FBXL13: variants seen among roughly 807,000 people sequenced by gnomAD.
FBXL13 encodes F-box and leucine rich repeat protein 13, also known as F-box and leucine-rich repeat protein 13.
Under a neutral mutation model 83.6 loss-of-function variants are expected in FBXL13, and 67 were observed. The ratio of observed to expected loss-of-function variants is 0.80; its 90% CI spans 0.66 to 0.98. The LOEUF is 0.98. FBXL13 is among the 50% of genes least tolerant of loss of function. FBXL13 has a pLI of 0.00. For synonymous variants in FBXL13, 272 were observed against 299.5 expected (o/e 0.91, Z 0.95); for missense variants, 822 against 866.5 (o/e 0.95, Z 0.64).
chr7:102,930,486 A>C (rs1366188131), intron 9 of FBXL13, among the ~76,000 whole-genome samples: 2 of 152,166 alleles, frequency 1.3e-5, no homozygotes, highest in Non-Finnish European at 2.9e-5. Context: ...TCCACTTCAC[A>C]ATTCATTGCA....
chr7:102,924,238 CAAAAA>C (rs564121170), intron 10 of FBXL13, among the ~76,000 whole-genome samples: 2 of 54,392 alleles, frequency 3.7e-5, no homozygotes, highest in Non-Finnish European at 3.8e-5. Context: ...AACTCCGTCT[CAAAAA>C]AAAAAAAAAA....
At chr7:103,007,925 G>A (rs1217307419) in intron 6 of FBXL13, among the ~76,000 whole-genome samples, 1 of 152,132 alleles carries the variant, frequency 6.6e-6, no homozygotes, top group Non-Finnish European at 1.5e-5. Context: ...GGTGAGGAGA[G>A]TGTCTCCCAC....
At chr7:102,863,383 A>G (rs1807136402) in intron 16 of FBXL13, among the ~76,000 whole-genome samples, 1 of 152,216 alleles carries the variant, frequency 6.6e-6, no homozygotes, top group South Asian at 2.1e-4. Context: ...TACTGGGGGT[A>G]TAGATCATGG....
chr7:102,941,275 C>A (rs979520099), intron 8 of FBXL13, among the ~76,000 whole-genome samples: 2 of 152,256 alleles, frequency 1.3e-5, no homozygotes, highest in South Asian at 4.1e-4. Flanking sequence ...GCAAGTCAGT[C>A]ACTGGTAGCC....
chr7:103,060,931 G>C (rs1024038759), intron 1 of FBXL13, among the ~76,000 whole-genome samples: 2 of 152,194 alleles, frequency 1.3e-5, no homozygotes, highest in Non-Finnish European at 2.9e-5. Flanking sequence ...GGACGGAGAT[G>C]GAGGTAGCAC....
intron 16 of FBXL13, 140 bp downstream of exon 17, chr7:102,877,327 G>A: frequency 1.4e-6 from 1 of 719,812 alleles, no homozygotes; most frequent in Non-Finnish European, 2.0e-6. Context: ...CACCCTTCTA[G>A]AAACAATATC....
intron 17 of FBXL13, among the ~76,000 whole-genome samples, chr7:102,840,727 G>A (rs1033717132): frequency 2.8e-4 from 42 of 152,130 alleles, no homozygotes; most frequent in African/African-American, 1.0e-3. Flanking sequence ...TACCAGTCTA[G>A]TGGAAAAAAA....
At chr7:102,878,765 G>A (rs1292083294) in intron 14 of FBXL13, among the ~76,000 whole-genome samples, 1 of 152,122 alleles carries the variant, frequency 6.6e-6, no homozygotes, top group Non-Finnish European at 1.5e-5. Context: ...AGTAGTCCCT[G>A]ATACCATTTC....
At chr7:103,054,315 G>A (rs1314032105) in intron 2 of FBXL13, among the ~76,000 whole-genome samples, 5 of 151,602 alleles carry the variant, frequency 3.3e-5, no homozygotes, top group Admixed American at 1.3e-4. Context: ...ACTTGAACCC[G>A]GGAGGTGGAG....
intron 2 of FBXL13, among the ~76,000 whole-genome samples, chr7:103,040,337 G>C (rs1795532585): frequency 6.6e-6 from 1 of 152,068 alleles, no homozygotes; most frequent in South Asian, 2.1e-4. Context: ...AGTCCTTAGA[G>C]ACCTACAAAG....
chr7:102,883,363 G>A, exon 14 of FBXL13: 1 of 1,613,644 alleles, frequency 6.2e-7, no homozygotes, highest in Non-Finnish European at 8.5e-7. Flanking sequence ...AGGGATCTGA[G>A]GCTGCTGTCT....
At chr7:102,891,865 A>G (rs1338131739) in intron 11 of FBXL13, among the ~76,000 whole-genome samples, 1 of 152,210 alleles carries the variant, frequency 6.6e-6, no homozygotes, top group African/African-American at 2.4e-5. Context: ...TCTTTTCCTC[A>G]ACCAGTGGCC....
intron 1 of FBXL13, among the ~76,000 whole-genome samples, chr7:103,064,277 C>A (rs1301968543): frequency 6.6e-6 from 1 of 152,192 alleles, no homozygotes; most frequent in Non-Finnish European, 1.5e-5. Context: ...ACTGAATGCA[C>A]CGGTTGTTGC....
At chr7:102,967,270 CTTTTTTTT>C (rs56060851) in intron 7 of FBXL13, among the ~76,000 whole-genome samples, 111,292 of 148,944 alleles carry the variant, frequency 0.75, 42,281 homozygotes, top group Middle Eastern at 0.83. Flanking sequence ...TCCTCTCTTT[CTTTTTTTT>C]TTTTTTTTGA....
chr7:102,915,122 ATTTT>A (rs386410852), intron 10 of FBXL13, among the ~76,000 whole-genome samples: 1 of 128,056 alleles, frequency 7.8e-6, no homozygotes. Context: ...AGATTAAAAT[ATTTT>A]TTTTTTTTTT....
rs184128739 is a variant in FBXL13 at position 103,047,780 on chromosome 7, C to T, written c.-1+7864G>A. ...CACGATCTTGCCTCACTGCAACCTC[C>T]GCCTCCTGGGTTCAAGTGATTCTTC... is the stretch of plus-strand genomic sequence containing the variant. On this transcript the variant is annotated intron_variant, in intron 2 of 19. Transcript: ENST00000313221. 4.8e-3 allele frequency among the ~76,000 whole-genome samples: 724 copies of T among 152,260 alleles called. 5 individuals are homozygous for T. The highest frequency in any genetic ancestry group is 0.016 in the African/African-American group (679 of 41,554).
rs191055335 is a variant in FBXL13 at position 103,067,377 on chromosome 7, G to A, written c.-105+6869C>T. Among the ~76,000 whole-genome samples the A allele has an allele frequency of 4.0e-3, 604 of 152,296 alleles. 2 individuals carry two copies. Among genetic ancestry groups the A allele is most frequent in the Middle Eastern group, 6.8e-3 (2 of 294 alleles). On this transcript the variant is annotated intron_variant, in intron 1 of 19. Coordinates refer to ENST00000313221, the Ensembl canonical transcript of FBXL13. ...GTGGTGGCATTTTAAAAGCATGTCT[G>A]CAAATGATATTTCTTACATAAAGAG...
chr7:102,997,054 G>A (rs1164603328), intron 6 of FBXL13, among the ~76,000 whole-genome samples: 1 of 152,086 alleles, frequency 6.6e-6, no homozygotes, highest in African/African-American at 2.4e-5. Context: ...CATAAAAAAC[G>A]TGAAGCCTTA....
intron 18 of FBXL13, among the ~76,000 whole-genome samples, chr7:102,825,938 A>G (rs1194470819): frequency 6.6e-6 from 1 of 152,230 alleles, no homozygotes; most frequent in Admixed American, 6.5e-5. Context: ...CGAGATTGCC[A>G]CAGAACTAAA....
Sources: allele counts gnomAD v4.1 joint callset (sites outside exome capture counted in the v4.1 genomes callset), GRCh38; gene constraint gnomAD v4.1.1; transcripts MANE v1.5; gene names NCBI Gene and HGNC (gene_info 2026-07-23, HGNC 2026-07-21).